Variants in C3orf70 observed in about 807,000 individuals in gnomAD.
C3orf70 encodes UPF0524 protein C3orf70.
Under a neutral mutation model 20.7 loss-of-function variants are expected in C3orf70, and 15 were observed. That is an observed-to-expected ratio of 0.72 (90% CI 0.48 to 1.11). The LOEUF (loss-of-function observed/expected upper bound fraction) is 1.11. C3orf70 is among the 50% of genes most tolerant of loss of function. The probability of loss-of-function intolerance (pLI) is 0.00; values close to 1 mark genes in which losing one functional copy is unlikely to be tolerated. For synonymous variants in C3orf70, 161 were observed against 125.7 expected, an observed-to-expected ratio of 1.28 and a Z score of -1.88; for missense variants, 332 against 317.6, an observed-to-expected ratio of 1.05 and a Z score of -0.34.
At chr3:185,123,695 G>T (rs1716354481) in intron 1 of C3orf70, among the ~76,000 whole-genome samples, 1 of 151,530 alleles carries the variant, frequency 6.6e-6, no homozygotes, top group Non-Finnish European at 1.5e-5. Flanking sequence ...TGATACATAT[G>T]TGACTGTTGT....
rs907849848 is a variant in C3orf70 at position 185,152,604 on chromosome 3, G to A, written c.196+24C>T. ...GGCGTCCCCCGGACCGCGGCGGAAG[G>A]CGGGAAGACGCGGCTCGACTTACAG... On this transcript the variant is annotated intron_variant, in intron 1 of 1. Transcript: ENST00000335012. 13 of 1,528,880 alleles carry A rather than the reference G, an allele frequency of 8.5e-6. No homozygotes were observed. The East Asian group carries it at 3.3e-4, about 39-fold the overall frequency. The allele number at this position is 1,528,880 out of a possible 1,614,324, so 94.7% of individuals were successfully genotyped here.
In C3orf70 at chr3:185,077,939, G is replaced by C. The variant is rs1238116428; in HGVS notation, c.*5068C>G. 3 of 152,120 alleles carry C rather than the reference G, an allele frequency of 2.0e-5. No individual in the cohort carries two copies. The highest frequency in any genetic ancestry group is 4.4e-5 in the Non-Finnish European group (3 of 68,018). 9.4% of individuals were successfully genotyped at this position (152,120 alleles called of 1,614,324 possible). A position where few individuals can be genotyped will look rare whatever the true frequency, so the allele number is the denominator to read the frequency against. Reference sequence around the variant, plus strand: ...CTTGTAAAGGTTTAATGGGGTAATGGCCATACGCTATTTCCTAGCACGTAG... The same window carrying C: ...CTTGTAAAGGTTTAATGGGGTAATGCCCATACGCTATTTCCTAGCACGTAG... On this transcript the variant is annotated 3_prime_UTR_variant, in exon 2 of 2. Coordinates refer to ENST00000335012, the MANE Select transcript of C3orf70 (RefSeq NM_001025266.3).
Position 185,082,261 on chromosome 3 carries a change from C to T in C3orf70, c.*746G>A, listed in dbSNP as rs1213654534. ...TCATATATAGGACTGTGGGCCCCTTCATGGTGGGAATCAGGTCTTATTCAT... is the reference window on the plus strand; with the variant it reads ...TCATATATAGGACTGTGGGCCCCTTTATGGTGGGAATCAGGTCTTATTCAT... On this transcript the variant is annotated 3_prime_UTR_variant, in exon 2 of 2. Coordinates refer to ENST00000335012, the MANE Select transcript of C3orf70 (RefSeq NM_001025266.3). 6.6e-6 allele frequency: 1 copy of T among 152,230 alleles called. No individual in the cohort carries two copies. The highest frequency in any genetic ancestry group is 2.4e-5 in the African/African-American group (1 of 41,452). The allele number at this position is 152,230 out of a possible 1,614,324, so 9.4% of individuals were successfully genotyped here.
At chr3:185,118,896 A>T (rs968412388) in intron 1 of C3orf70, among the ~76,000 whole-genome samples, 1 of 152,224 alleles carries the variant, frequency 6.6e-6, no homozygotes, top group Non-Finnish European at 1.5e-5. Flanking sequence ...TACTGAAAAG[A>T]CACTTAAACT....
At chr3:185,133,829 C>T (rs1716569430) in intron 1 of C3orf70, among the ~76,000 whole-genome samples, 1 of 152,176 alleles carries the variant, frequency 6.6e-6, no homozygotes, top group African/African-American at 2.4e-5. Flanking sequence ...AAGAAGCCAC[C>T]TGTAATCCTA....
At chr3:185,148,930 T>C (rs1056613054) in intron 1 of C3orf70, among the ~76,000 whole-genome samples, 2 of 152,246 alleles carry the variant, frequency 1.3e-5, no homozygotes, top group African/African-American at 2.4e-5. Context: ...TATAAGTCTA[T>C]ATATTTCACA....
At chr3:185,085,581 C>T (rs187758335) in intron 1 of C3orf70, among the ~76,000 whole-genome samples, 2 of 152,260 alleles carry the variant, frequency 1.3e-5, no homozygotes, top group African/African-American at 4.8e-5. Context: ...CTGATAAAAA[C>T]GCATTGAGAA....
intron 1 of C3orf70, among the ~76,000 whole-genome samples, chr3:185,136,542 G>C (rs754217412): frequency 1.6e-4 from 21 of 132,574 alleles, no homozygotes; most frequent in Non-Finnish European, 3.0e-4. Flanking sequence ...CTAACACAGT[G>C]AAACCCTCTC....
intron 1 of C3orf70, 84 bp downstream of exon 1, chr3:185,152,544 G>T: frequency 7.9e-7 from 1 of 1,270,194 alleles, no homozygotes; most frequent in Non-Finnish European, 1.1e-6. Flanking sequence ...CCCCGCGGCC[G>T]CAGAGTTCCG....
At chr3:185,121,851 G>A (rs1046596295) in intron 1 of C3orf70, among the ~76,000 whole-genome samples, 4 of 152,166 alleles carry the variant, frequency 2.6e-5, no homozygotes, top group Admixed American at 2.6e-4. Context: ...TGTAATCCCA[G>A]CGCTTTGGGA....
At chr3:185,145,460 A>T (rs1476810840) in intron 1 of C3orf70, among the ~76,000 whole-genome samples, 1 of 54,578 alleles carries the variant, frequency 1.8e-5, no homozygotes, top group African/African-American at 7.2e-5. Flanking sequence ...ATTTTATTTC[A>T]TTCAAATACA....
chr3:185,117,885 A>C (rs1716215650), intron 1 of C3orf70, among the ~76,000 whole-genome samples: 1 of 152,142 alleles, frequency 6.6e-6, no homozygotes, highest in Admixed American at 6.5e-5. Flanking sequence ...AATCAGTACA[A>C]TTTTGTATAA....
rs1715237930 is a variant in C3orf70, at chr3:185,078,134, C to G, written c.*4873G>C. ...GTGTTACATATCAAGGAAAGTTGAGCTGTCTGTAGGAAAACAATATAATTT... is the reference window on the plus strand; with the variant it reads ...GTGTTACATATCAAGGAAAGTTGAGGTGTCTGTAGGAAAACAATATAATTT... On this transcript the variant is annotated 3_prime_UTR_variant, in exon 2 of 2. Transcript: ENST00000335012. The G allele has an allele frequency of 6.6e-6, 1 of 152,548 alleles. No homozygotes were observed. The allele number at this position is 152,548 out of a possible 1,614,324, so 9.4% of individuals were successfully genotyped here.
chr3:185,112,963 C>T (rs1716103545), intron 1 of C3orf70, among the ~76,000 whole-genome samples: 1 of 152,144 alleles, frequency 6.6e-6, no homozygotes, highest in South Asian at 2.1e-4. Flanking sequence ...GACATTATTT[C>T]AAACTTGAGT....
chr3:185,148,145 C>T (rs142401228), intron 1 of C3orf70, among the ~76,000 whole-genome samples: 2 of 152,322 alleles, frequency 1.3e-5, no homozygotes, highest in African/African-American at 4.8e-5. Context: ...CAGTCTCTCC[C>T]TTGGTGCTCA....
chr3:185,094,803 T>C (rs1452239658), intron 1 of C3orf70, among the ~76,000 whole-genome samples: 6 of 152,152 alleles, frequency 3.9e-5, no homozygotes, highest in South Asian at 2.1e-4. Flanking sequence ...GCTAGCTGAA[T>C]ACAGTTATTG....
intron 1 of C3orf70, among the ~76,000 whole-genome samples, chr3:185,139,351 G>A (rs1034275189): frequency 2.6e-5 from 4 of 151,890 alleles, no homozygotes; most frequent in Non-Finnish European, 5.9e-5. Flanking sequence ...TCAGGAGTTC[G>A]AGACCAGCCT....
At chr3:185,105,176 A>G (rs1309005058) in intron 1 of C3orf70, among the ~76,000 whole-genome samples, 1 of 152,266 alleles carries the variant, frequency 6.6e-6, no homozygotes, top group African/African-American at 2.4e-5. Flanking sequence ...GGTTAAGTAG[A>G]TGTTAGGACA....
chr3:185,128,641 G>A (rs1716463408), intron 1 of C3orf70, among the ~76,000 whole-genome samples: 1 of 151,888 alleles, frequency 6.6e-6, no homozygotes. Flanking sequence ...AGGCTACTTA[G>A]TCCAGAAAAA....
Sources: allele counts gnomAD v4.1 joint callset (sites outside exome capture counted in the v4.1 genomes callset), GRCh38; gene constraint gnomAD v4.1.1; transcripts MANE v1.5; gene names NCBI Gene and HGNC (gene_info 2026-07-23, HGNC 2026-07-21).